Variants in DISC1 observed in about 807,000 individuals in gnomAD.
DISC1 encodes DISC1 scaffold protein.
In DISC1, 57 loss-of-function variants were observed where a neutral mutation model predicts 84.5. The ratio of observed to expected loss-of-function variants is 0.67; its 90% CI spans 0.55 to 0.84. The LOEUF (loss-of-function observed/expected upper bound fraction) is 0.84, where lower values mean the gene tolerates loss of function less well. Ranked by LOEUF, DISC1 falls within the 40% of genes least tolerant of loss-of-function variation. The pLI is 0.00. For synonymous variants in DISC1, 411 were observed against 415.2 expected, an observed-to-expected ratio of 0.99 and a Z score of 0.12; for missense variants, 1,000 against 1,057.8, an observed-to-expected ratio of 0.95 and a Z score of 0.76.
chr1:231,786,891 C>A (rs1448637110), intron 6 of DISC1, among the ~76,000 whole-genome samples: 1 of 152,194 alleles, frequency 6.6e-6, no homozygotes, highest in African/African-American at 2.4e-5. Flanking sequence ...AGCCTCCTGG[C>A]TCTTCAGGAA....
chr1:232,025,691 G>A (rs1488496665), intron 11 of DISC1, among the ~76,000 whole-genome samples: 4 of 151,636 alleles, frequency 2.6e-5, no homozygotes. Flanking sequence ...CCGCCTCCTG[G>A]GTTCACGCCA....
At chr1:231,689,488 C>T (rs1034156298) in intron 1 of DISC1, among the ~76,000 whole-genome samples, 1 of 151,970 alleles carries the variant, frequency 6.6e-6, no homozygotes, top group Non-Finnish European at 1.5e-5. Flanking sequence ...TGCACCACCA[C>T]GCCAGGCTAA....
In DISC1 at chr1:231,749,966, G is replaced by A. The variant is rs1401384610; in HGVS notation, c.1158G>A (p.Glu386=). The change falls in exon 4 of 13, where the codon GAG becomes GAA. Residue 386 remains glutamate, a synonymous_variant. Transcript: ENST00000439617. The part of the protein sequence containing the change: ...LQQRLEDLEQ[E]KISLHFQLPS... ...AAAGATTAGAAGACCTGGAACAAGAGAAAATCAGCCTGCACTTTCAACTTC... is the reference window on the plus strand; with the variant it reads ...AAAGATTAGAAGACCTGGAACAAGAAAAAATCAGCCTGCACTTTCAACTTC... 11 of 1,614,102 alleles carry A rather than the reference G, an allele frequency of 6.8e-6. No homozygotes were observed. The African/African-American group carries it at 9.3e-5, about 14-fold the overall frequency.
chr1:231,747,066 A>G (rs2074066909), intron 3 of DISC1, among the ~76,000 whole-genome samples: 2 of 152,144 alleles, frequency 1.3e-5, no homozygotes, highest in Non-Finnish European at 2.9e-5. Context: ...AGTAGCTGGG[A>G]CTACAGCCAT....
intron 3 of DISC1, chr1:231,720,816 AG>A (rs777241727): frequency 2.3e-5 from 30 of 1,285,358 alleles, no homozygotes; most frequent in Non-Finnish European, 2.9e-5. Context: ...TCTGAGCAGC[AG>A]GTAGGAAACG....
Position 231,698,937 on chromosome 1 carries a change from C to T in DISC1, c.1048-3018C>T, listed in dbSNP as rs144070791. 2.9e-3 allele frequency among the ~76,000 whole-genome samples: 447 copies of T among 152,234 alleles called. 3 individuals are homozygous for T. The highest frequency in any genetic ancestry group is 9.9e-3 in the African/African-American group (411 of 41,532). ...TTCAGAAAGCATTTATCAATGACAA[C>T]GAGTACAATGCCTTATCCTAGGCTT... On this transcript the variant is annotated intron_variant, in intron 2 of 12. Transcript: ENST00000439617. This position sits in a 1 kb window ranked among gnomAD's most constrained non-coding sequence, Gnocchi z 4.9.
chr1:231,814,241 A>G (rs1366776347), intron 8 of DISC1, among the ~76,000 whole-genome samples: 2 of 152,310 alleles, frequency 1.3e-5, no homozygotes, highest in South Asian at 2.1e-4. Context: ...GCTTTACTGC[A>G]TTGTGATCTT....
intron 8 of DISC1, among the ~76,000 whole-genome samples, chr1:231,806,009 A>G (rs1195762731): frequency 6.6e-6 from 1 of 152,198 alleles, no homozygotes; most frequent in Non-Finnish European, 1.5e-5. Context: ...TAACCTTTTC[A>G]GGTCTTGTTT....
chr1:231,721,050 T>G, intron 3 of DISC1: 1 of 1,290,978 alleles, frequency 7.7e-7, no homozygotes, highest in Non-Finnish European at 1.0e-6. Context: ...CTGGAACTTT[T>G]CCCAGCTTTT....
intron 10 of DISC1, among the ~76,000 whole-genome samples, chr1:232,007,996 T>C (rs1266608374): frequency 6.6e-6 from 1 of 152,204 alleles, no homozygotes; most frequent in Non-Finnish European, 1.5e-5. Flanking sequence ...CCTGCCACCA[T>C]GTGAAGAAGG....
chr1:231,801,279 GA>G (rs772999124), intron 8 of DISC1, among the ~76,000 whole-genome samples: 1 of 148,164 alleles, frequency 6.7e-6, no homozygotes, highest in South Asian at 2.1e-4. Flanking sequence ...TTTGCTGAGA[GA>G]AAAAAAAAGA....
intron 6 of DISC1, chr1:231,774,730 T>C (rs960447096): frequency 1.1e-5 from 5 of 455,898 alleles, no homozygotes; most frequent in African/African-American, 8.0e-5. Flanking sequence ...AAGGAAGATA[T>C]GTCTTTTCCA....
At chr1:231,627,176 C>T (rs954494549) in intron 1 of DISC1, among the ~76,000 whole-genome samples, 1 of 152,206 alleles carries the variant, frequency 6.6e-6, no homozygotes, top group East Asian at 1.9e-4. Context: ...GTGCAGCGAT[C>T]CCCGGGACCC....
intron 4 of DISC1, 187 bp downstream of exon 4, chr1:231,750,263 T>G (rs1259763505): frequency 1.1e-5 from 15 of 1,389,588 alleles, no homozygotes; most frequent in Non-Finnish European, 1.1e-5. Context: ...GGGTCATGCA[T>G]CTCTAGAAAG....
Position 231,800,024 on chromosome 1 carries a change from C to G in DISC1, c.1690-84C>G, listed in dbSNP as rs974685653. On this transcript the variant is annotated intron_variant, in intron 7 of 12. Coordinates refer to ENST00000439617, the MANE Select transcript of DISC1 (RefSeq NM_018662.3). ...CACCCCTTTTAATTACTTACAAACC[C>G]AGAAATCTCTGACCTGGCTGTTCCA... The G allele has an allele frequency of 3.1e-5, 31 of 999,408 alleles. 1 individual carries two copies. Among genetic ancestry groups the G allele is most frequent in the Non-Finnish European group, 4.4e-5 (28 of 641,998 alleles). 61.9% of individuals were successfully genotyped at this position (999,408 alleles called of 1,614,324 possible).
chr1:231,910,365 G>A (rs868048653), intron 9 of DISC1, among the ~76,000 whole-genome samples: 1 of 152,104 alleles, frequency 6.6e-6, no homozygotes, highest in Admixed American at 6.5e-5. Flanking sequence ...AGAGATTCTG[G>A]TATGTTGTGT....
chr1:231,770,087 AT>A (rs1275727625), intron 5 of DISC1, among the ~76,000 whole-genome samples: 31 of 152,136 alleles, frequency 2.0e-4, no homozygotes. Flanking sequence ...TTGCACTCTT[AT>A]CCCCACAAAA....
chr1:231,776,533 C>T (rs1224088151), intron 6 of DISC1, among the ~76,000 whole-genome samples: 7 of 152,106 alleles, frequency 4.6e-5, no homozygotes, highest in Non-Finnish European at 7.4e-5. Context: ...GGGAGGCTCG[C>T]GGGTGGAGAG....
chr1:231,903,302 A>G (rs75691341), intron 9 of DISC1, among the ~76,000 whole-genome samples: 3,400 of 152,250 alleles, frequency 0.022, 127 homozygotes, highest in African/African-American at 0.076. Flanking sequence ...CTCTTAATGA[A>G]TGTTATGTGT....
Sources: allele counts gnomAD v4.1 joint callset (sites outside exome capture counted in the v4.1 genomes callset), GRCh38; gene constraint gnomAD v4.1.1; non-coding constraint Gnocchi (gnomAD v3.1); transcripts MANE v1.5; gene names NCBI Gene and HGNC (gene_info 2026-07-23, HGNC 2026-07-21).